Variants in CDK19 observed in about 807,000 individuals in gnomAD.
CDK19 encodes the protein cyclin-dependent kinase 19.
CDK19 carries 20 observed loss-of-function variants against 68.3 expected under a neutral mutation model. That is an observed-to-expected ratio of 0.29 (90% confidence interval 0.21 to 0.43). CDK19 has a LOEUF of 0.43. CDK19 is among the 20% of genes least tolerant of loss of function. The probability of loss-of-function intolerance (pLI) is 1.00; values close to 1 mark genes in which losing one functional copy is unlikely to be tolerated. For missense variants in CDK19, 339 were observed against 623.5 expected (o/e 0.54, Z 4.86); for synonymous variants, 221 against 222.8 (o/e 0.99, Z 0.07).
At chr6:110,704,229 A>G (rs907296463) in intron 2 of CDK19, among the ~76,000 whole-genome samples, 6 of 152,256 alleles carry the variant, frequency 3.9e-5, no homozygotes, top group Admixed American at 3.9e-4. Flanking sequence ...GTAAAATTAA[A>G]GGACTAGTGG....
Position 110,667,590 on chromosome 6 carries a change from A to AGT in CDK19, c.316-17_316-16insAC. 7.3e-7 allele frequency: 1 copy of AGT among 1,378,772 alleles called. No homozygotes were observed. Among genetic ancestry groups the AGT allele is most frequent in the South Asian group, 1.4e-5 (1 of 71,774 alleles). The allele number at this position is 1,378,772 out of a possible 1,614,324, so 85.4% of individuals were successfully genotyped here. A position where few individuals can be genotyped will look rare whatever the true frequency, so the allele number is the denominator to read the frequency against. On this transcript the variant is annotated splice_polypyrimidine_tract_variant and intron_variant, in intron 3 of 12. Coordinates refer to ENST00000368911, the MANE Select transcript of CDK19 (RefSeq NM_015076.5). ...TAATAATATGCTAAAAATTAAAAAA[A>AGT]AACATAATAATATAGTCTTTGCTAA...
At chr6:110,758,507 A>C (rs1042244560) in intron 1 of CDK19, among the ~76,000 whole-genome samples, 2 of 152,142 alleles carry the variant, frequency 1.3e-5, no homozygotes, top group African/African-American at 4.8e-5. Flanking sequence ...TATCTTGCTC[A>C]TTTCTGTATA....
At chr6:110,631,625 GACTA>G (rs1779442505) in intron 6 of CDK19, among the ~76,000 whole-genome samples, 2 of 152,176 alleles carry the variant, frequency 1.3e-5, no homozygotes, top group Non-Finnish European at 2.9e-5. Flanking sequence ...GAAACAATGT[GACTA>G]ACTTTTCCCC....
chr6:110,727,274 T>G (rs578235965), intron 2 of CDK19, among the ~76,000 whole-genome samples: 16 of 152,168 alleles, frequency 1.1e-4, no homozygotes, highest in South Asian at 4.2e-4. Flanking sequence ...TAACTACCTA[T>G]TTTTCCATTT....
chr6:110,712,931 C>T (rs551985545), intron 2 of CDK19, among the ~76,000 whole-genome samples: 38 of 151,960 alleles, frequency 2.5e-4, no homozygotes, highest in Non-Finnish European at 4.9e-4. Context: ...AACATATGGC[C>T]GGGTGTGGTG....
At chr6:110,619,838 T>C (rs2114607014) in intron 12 of CDK19, among the ~76,000 whole-genome samples, 1 of 152,180 alleles carries the variant, frequency 6.6e-6, no homozygotes, top group East Asian at 1.9e-4. Flanking sequence ...GGTCCCTTTA[T>C]GCACTAACAT....
intron 1 of CDK19, among the ~76,000 whole-genome samples, chr6:110,794,614 AG>A (rs1781816246): frequency 6.6e-6 from 1 of 151,258 alleles, no homozygotes; most frequent in Non-Finnish European, 1.5e-5. Context: ...CATCTTAGCC[AG>A]GATGGTCTCG....
intron 6 of CDK19, among the ~76,000 whole-genome samples, chr6:110,627,613 G>A: frequency 6.6e-6 from 1 of 152,044 alleles, no homozygotes; most frequent in Non-Finnish European, 1.5e-5. Context: ...TGGGCTCAAG[G>A]AATCCTCCTG....
chr6:110,670,697 A>G (rs1770918547), intron 2 of CDK19, 156 bp from the exon 3 acceptor site: 2 of 659,752 alleles, frequency 3.0e-6, no homozygotes, highest in Non-Finnish European at 5.5e-6. Flanking sequence ...TGGCATTCAG[A>G]GATAAGCTCT....
chr6:110,712,360 G>A (rs932493880), intron 2 of CDK19, among the ~76,000 whole-genome samples: 6 of 152,014 alleles, frequency 3.9e-5, no homozygotes, highest in Non-Finnish European at 8.8e-5. Flanking sequence ...ACATAATTTG[G>A]GAAAGAAACA....
intron 1 of CDK19, among the ~76,000 whole-genome samples, chr6:110,790,488 T>C (rs1337273726): frequency 6.6e-6 from 1 of 152,094 alleles, no homozygotes; most frequent in Non-Finnish European, 1.5e-5. Flanking sequence ...TGAGCCAGGA[T>C]CACACCACTA....
At chr6:110,789,858 CAATT>C (rs1218800128) in intron 1 of CDK19, among the ~76,000 whole-genome samples, 1 of 151,832 alleles carries the variant, frequency 6.6e-6, no homozygotes, top group Non-Finnish European at 1.5e-5. Flanking sequence ...ATTCATTTAC[CAATT>C]TATTCCAATT....
intron 1 of CDK19, among the ~76,000 whole-genome samples, chr6:110,766,827 C>T (rs1370468203): frequency 6.6e-6 from 1 of 151,688 alleles, no homozygotes; most frequent in Admixed American, 6.6e-5. Context: ...TAGTGAGACC[C>T]TGTCTCTAAG....
intron 1 of CDK19, among the ~76,000 whole-genome samples, chr6:110,760,258 T>C (rs565028366): frequency 6.6e-6 from 1 of 151,898 alleles, no homozygotes; most frequent in African/African-American, 2.4e-5. Context: ...TAGCCAGGCA[T>C]GGTGGCACGT....
At chr6:110,655,794 A>G (rs1194625363) in intron 4 of CDK19, among the ~76,000 whole-genome samples, 1 of 151,794 alleles carries the variant, frequency 6.6e-6, no homozygotes, top group Non-Finnish European at 1.5e-5. Context: ...CCTCAAACCA[A>G]CTCTCCATAG....
At chr6:110,632,295 A>C (rs1424780593) in intron 5 of CDK19, 134 bp from the exon 6 acceptor site, 8 of 640,618 alleles carry the variant, frequency 1.2e-5, no homozygotes, top group Non-Finnish European at 1.8e-5. Flanking sequence ...TGCTGACCTT[A>C]TAAAGCAATC....
At chr6:110,725,227 C>T (rs1776235477) in intron 2 of CDK19, among the ~76,000 whole-genome samples, 2 of 151,958 alleles carry the variant, frequency 1.3e-5, no homozygotes, top group South Asian at 4.1e-4. Context: ...AGTAGCCAAA[C>T]TAGAATATGG....
chr6:110,801,384 C>T (rs761086896), intron 1 of CDK19, among the ~76,000 whole-genome samples: 1 of 152,122 alleles, frequency 6.6e-6, no homozygotes, highest in Non-Finnish European at 1.5e-5. Flanking sequence ...ACTCAAGAGG[C>T]TGAGGTGGGA....
chr6:110,679,405 G>T (rs1192643411), intron 2 of CDK19, among the ~76,000 whole-genome samples: 3 of 152,048 alleles, frequency 2.0e-5, no homozygotes, highest in Admixed American at 6.5e-5. Context: ...CTGAGGTCAG[G>T]AGTTTGAGAC....
Sources: gnomAD v4.1 joint callset for allele counts (sites outside exome capture counted in the v4.1 genomes callset) on GRCh38, gnomAD v4.1.1 for gene constraint, MANE v1.5 for transcripts, NCBI Gene and HGNC (gene_info 2026-07-23, HGNC 2026-07-21) for gene names.